Variants in ZNF518A observed in about 807,000 individuals in gnomAD.
ZNF518A encodes zinc finger protein 518.
Under a neutral mutation model 102.7 loss-of-function variants are expected in ZNF518A, and 47 were observed. The observed-to-expected ratio is 0.46, with a 90% CI of 0.36 to 0.58. ZNF518A has a LOEUF of 0.58. Ranked by LOEUF, ZNF518A falls within the 20% of genes least tolerant of loss-of-function variation. ZNF518A has a pLI of 0.00. For missense variants in ZNF518A, 1,793 were observed against 1,699.8 expected (o/e 1.05, Z -0.96); for synonymous variants, 652 against 594.6 (o/e 1.10, Z -1.40).
intron 1 of ZNF518A, chr10:96,189,793 A>T: frequency 1.1e-6 from 1 of 942,184 alleles, no homozygotes; most frequent in South Asian, 1.3e-5. Context: ...CTCCAGGGAC[A>T]GATCACTTTC....
At position 96,163,084 on chromosome 10, in the gene ZNF518A, C is replaced by T. The variant is rs587761539; in HGVS notation, c.*2310C>T. The T allele has an allele frequency of 1.0e-4, 17 of 167,028 alleles. No individual in the cohort carries two copies. The highest frequency in any genetic ancestry group is 3.4e-4 in the African/African-American group (14 of 41,542). 10.3% of individuals were successfully genotyped at this position (167,028 alleles called of 1,614,324 possible). On this transcript the variant is annotated 3_prime_UTR_variant, in exon 6 of 6. Transcript: ENST00000316045. ...GAGAAGGAACTTTCCTGCTAATATT[C>T]GCAGCACTATAACATTACATTTCAG...
At position 96,157,215 on chromosome 10, in the gene ZNF518A, A is replaced by C. The variant is rs1304007416; in HGVS notation, c.893A>C (p.Asp298Ala). 1 of 1,609,514 alleles carries C rather than the reference A, an allele frequency of 6.2e-7. No individual in the cohort carries two copies. The highest frequency in any genetic ancestry group is 8.5e-7 in the Non-Finnish European group (1 of 1,178,176). The change falls in exon 6 of 6, where the codon GAC (aspartate) becomes GCC (alanine). Residue 298 changes from aspartate to alanine, a missense_variant. Physicochemically the swap from Asp to Ala is moderately radical, Grantham distance 126 (BLOSUM62 -2). This residue lies in a region of ZNF518A where 1,741 missense variants were observed against 1,622.6 expected (regional missense o/e 1.07). Transcript: ENST00000316045. ...HLYAKEKLEK[D>A]KYEKRMAKTS... The stretch of plus-strand genomic sequence containing the variant: ...TATGCAAAAGAAAAACTGGAAAAAG[A>C]CAAATATGAAAAAAGAATGGCAAAG...
chr10:96,190,182 C>G, intron 1 of ZNF518A: 7 of 800,186 alleles, frequency 8.7e-6, no homozygotes, highest in South Asian at 8.0e-5. Flanking sequence ...AGTTCTGGGC[C>G]TCAGGGGGCT....
At chr10:96,142,305 G>GGGGTGTGTGTGT (rs1299273019) in intron 3 of ZNF518A, among the ~76,000 whole-genome samples, 53 of 104,132 alleles carry the variant, frequency 5.1e-4, no homozygotes, top group Non-Finnish European at 1.1e-3. Context: ...ATATTCTTAG[G>GGGGTGTGTGTGT]GTGTGTGTGT....
rs782256155 is a variant in ZNF518A, at chr10:96,142,805, CT to C, written c.-302+9172del. Reference sequence around the variant, plus strand: ...TCTTTCCGGACCCAATGTGTGATTTCTTTTTTTTTTTTTTTATTGCGACAGA... The same window carrying C: ...TCTTTCCGGACCCAATGTGTGATTTCTTTTTTTTTTTTTTATTGCGACAGA... On this transcript the variant is annotated intron_variant, in intron 3 of 5. Transcript: ENST00000316045. Among the ~76,000 whole-genome samples the C allele has an allele frequency of 5.8e-3, 793 of 137,428 alleles. 1 individual carries two copies. The highest frequency in any genetic ancestry group is 9.5e-3 in the African/African-American group (359 of 37,670). The allele number at this position is 137,428 out of a possible 152,430, so 90.2% of individuals were successfully genotyped here.
intron 3 of ZNF518A, among the ~76,000 whole-genome samples, chr10:96,150,708 C>CTT (rs797029835): frequency 4.4e-5 from 2 of 45,738 alleles, no homozygotes; most frequent in Non-Finnish European, 9.6e-5. Context: ...TTTAAGTTTT[C>CTT]TTTTTTTTTT....
intron 1 of ZNF518A, among the ~76,000 whole-genome samples, chr10:96,169,648 T>C (rs889626208): frequency 2.6e-5 from 4 of 152,242 alleles, no homozygotes; most frequent in Non-Finnish European, 5.9e-5. Context: ...TTGTTCAAAA[T>C]GTACAGTGCC....
Position 96,159,860 on chromosome 10 carries a change from A to T in ZNF518A, c.3538A>T (p.Ile1180Leu), listed in dbSNP as rs781950037. The T allele has an allele frequency of 9.9e-6, 16 of 1,613,602 alleles. No homozygotes were observed. Among genetic ancestry groups the T allele is most frequent in the Non-Finnish European group, 1.3e-5 (15 of 1,179,738 alleles). Residue 1180 changes from isoleucine (I) to leucine (L), a missense_variant, in exon 6 of 6, where the codon ATA (isoleucine) becomes TTA (leucine). Ile to Leu is a conservative substitution (Grantham distance 5, BLOSUM62 2). Around this residue, in one of 3 missense-constraint regions of ZNF518A, gnomAD observed 1,741 missense variants for 1,622.6 expected, o/e 1.07. Transcript: ENST00000316045. ...QKDNVPSNQI[I>L]GGEQKEPESR... ...AGACAACGTACCATCTAATCAGATT[A>T]TAGGAGGAGAGCAGAAAGAGCCAGA...
chr10:96,144,252 C>G (rs2082069489), intron 3 of ZNF518A, among the ~76,000 whole-genome samples: 1 of 152,000 alleles, frequency 6.6e-6, no homozygotes, highest in Non-Finnish European at 1.5e-5. Context: ...TCCCAAAGTG[C>G]TAGGATTATA....
intron 3 of ZNF518A, among the ~76,000 whole-genome samples, chr10:96,142,478 A>G (rs782489079): frequency 6.6e-6 from 1 of 152,122 alleles, no homozygotes; most frequent in Non-Finnish European, 1.5e-5. Flanking sequence ...TCTGCAGAAG[A>G]AGGATTGAAT....
intron 1 of ZNF518A, among the ~76,000 whole-genome samples, chr10:96,169,475 A>G (rs1231128376): frequency 6.6e-6 from 1 of 152,166 alleles, no homozygotes; most frequent in Non-Finnish European, 1.5e-5. Context: ...TTTTTATTTC[A>G]GTTACTGTGC....
At chr10:96,177,952 T>C (rs1017943193) in intron 1 of ZNF518A, among the ~76,000 whole-genome samples, 1 of 152,104 alleles carries the variant, frequency 6.6e-6, no homozygotes, top group Non-Finnish European at 1.5e-5. Context: ...ATGCATATAG[T>C]ACCAAAGCTT....
chr10:96,197,496 T>C (rs1230346295), intron 1 of ZNF518A, among the ~76,000 whole-genome samples: 5 of 152,084 alleles, frequency 3.3e-5, no homozygotes, highest in Admixed American at 2.0e-4. Flanking sequence ...ATGTGCTAAA[T>C]AAGGTTTTAT....
rs367954120 is a variant in ZNF518A, at chr10:96,160,395, C to T, written c.4073C>T (p.Pro1358Leu). Residue 1358 changes from proline to leucine, a missense_variant, in exon 6 of 6, where the codon CCA becomes CTA. By Grantham distance (98) the Pro-to-Leu change is moderately conservative (BLOSUM62 -3). Around this residue, in one of 3 missense-constraint regions of ZNF518A, gnomAD observed 1,741 missense variants for 1,622.6 expected, o/e 1.07. Transcript: ENST00000316045. Reference sequence around the variant, plus strand: ...TTGAATCATCCTGACGCAGATGCACCAGAAGTAGTAAGTGTAATGAAAACT... The same window carrying T: ...TTGAATCATCCTGACGCAGATGCACTAGAAGTAGTAAGTGTAATGAAAACT... Reference protein sequence around the residue: ...VVLNHPDADAPEVVSVMKTIA... With the variant: ...VVLNHPDADALEVVSVMKTIA... 5.0e-6 allele frequency: 8 copies of T among 1,613,206 alleles called. No individual in the cohort carries two copies. In the African/African-American group the frequency reaches 9.3e-5, roughly 19 times the overall value.
intron 3 of ZNF518A, among the ~76,000 whole-genome samples, chr10:96,147,641 C>A (rs10882728): frequency 0.24 from 36,463 of 152,046 alleles, 5,631 homozygotes; most frequent in Middle Eastern, 0.36. Flanking sequence ...GGTATTGCCC[C>A]TTTGTCTTTG....
At chr10:96,189,329 A>G in intron 1 of ZNF518A, 1 of 527,862 alleles carries the variant, frequency 1.9e-6, no homozygotes, top group South Asian at 1.5e-5. Flanking sequence ...AATAAGATGG[A>G]AAAATGTTAA....
At chr10:96,192,102 G>A in intron 1 of ZNF518A, 17 of 1,613,344 alleles carry the variant, frequency 1.1e-5, no homozygotes, top group Non-Finnish European at 1.4e-5. Flanking sequence ...ACTAGAGGAA[G>A]AAAACATAGA....
chr10:96,176,101 A>AT (rs1554891443), intron 1 of ZNF518A, among the ~76,000 whole-genome samples: 1 of 151,800 alleles, frequency 6.6e-6, no homozygotes, highest in African/African-American at 2.4e-5. Flanking sequence ...GGTTATTATT[A>AT]TTTTTTAAGT....
intron 1 of ZNF518A, among the ~76,000 whole-genome samples, chr10:96,183,352 C>T (rs912807904): frequency 6.6e-6 from 1 of 152,126 alleles, no homozygotes; most frequent in African/African-American, 2.4e-5. Context: ...TTGCCTTCTG[C>T]TAGCTTTTGA....
Sources: allele counts gnomAD v4.1 joint callset (sites outside exome capture counted in the v4.1 genomes callset), GRCh38; gene constraint gnomAD v4.1.1; regional missense constraint gnomAD v4.1.1; transcripts MANE v1.5; gene names NCBI Gene and HGNC (gene_info 2026-07-23, HGNC 2026-07-21).